ZNF695: variants seen among roughly 807,000 people sequenced by gnomAD.
ZNF695 encodes the protein zinc finger protein SBZF3.
ZNF695 carries 11 observed loss-of-function variants against 11.2 expected under a neutral mutation model. The observed-to-expected ratio is 0.98, with a 90% CI of 0.62 to 1.62. The LOEUF (loss-of-function observed/expected upper bound fraction) is 1.62, where lower values mean the gene tolerates loss of function less well. Among genes scored for constraint, ZNF695 ranks in the 40% most tolerant of loss-of-function variants. ZNF695 has a pLI of 0.00. For missense variants in ZNF695, 559 were observed against 590.5 expected (o/e 0.95, Z 0.55); for synonymous variants, 190 against 201.4 (o/e 0.94, Z 0.48).
intron 5 of ZNF695, among the ~76,000 whole-genome samples, chr1:246,967,070 C>G (rs1668308802): frequency 1.3e-5 from 2 of 152,162 alleles, no homozygotes; most frequent in South Asian, 2.1e-4. Flanking sequence ...TCCCCAGCAG[C>G]TGGGATTACA....
At chr1:246,976,560 C>A (rs186966626) in intron 4 of ZNF695, among the ~76,000 whole-genome samples, 1 of 151,582 alleles carries the variant, frequency 6.6e-6, no homozygotes, top group Non-Finnish European at 1.5e-5. Flanking sequence ...TTTGGGAGGC[C>A]AAGGCGGGCA....
At chr1:246,973,161 T>C (rs1320240130) in intron 4 of ZNF695, among the ~76,000 whole-genome samples, 3 of 152,074 alleles carry the variant, frequency 2.0e-5, no homozygotes, top group Non-Finnish European at 2.9e-5. Flanking sequence ...GAGATTCTCC[T>C]GCCTCAGCCT....
At chr1:246,991,270 A>G (rs1489496115) in intron 3 of ZNF695, among the ~76,000 whole-genome samples, 1 of 152,172 alleles carries the variant, frequency 6.6e-6, no homozygotes, top group African/African-American at 2.4e-5. Context: ...AAAAAAATGG[A>G]CAAATGGGAA....
intron 5 of ZNF695, among the ~76,000 whole-genome samples, chr1:246,952,343 G>A (rs61852576): frequency 0.1 from 15,713 of 152,216 alleles, 884 homozygotes; most frequent in Middle Eastern, 0.16. Flanking sequence ...TTTGTATTTT[G>A]CACAGGTGAT....
intron 1 of ZNF695, among the ~76,000 whole-genome samples, chr1:247,002,750 T>A (rs983101117): frequency 2.0e-5 from 3 of 151,168 alleles, no homozygotes; most frequent in African/African-American, 7.3e-5. Context: ...GTCACTGCAC[T>A]ACAGCCTGGG....
chr1:246,951,735 G>C (rs1667873991), intron 5 of ZNF695, among the ~76,000 whole-genome samples: 2 of 152,176 alleles, frequency 1.3e-5, no homozygotes, highest in Non-Finnish European at 2.9e-5. Flanking sequence ...GATCCTTCCT[G>C]TGGGAACTGC....
intron 5 of ZNF695, among the ~76,000 whole-genome samples, chr1:246,958,396 C>T (rs1195554259): frequency 6.6e-6 from 1 of 151,920 alleles, no homozygotes; most frequent in Non-Finnish European, 1.5e-5. Flanking sequence ...TGAAGTTTGG[C>T]AAAAAGTCAC....
At chr1:247,006,568 C>G (rs1669547576) in intron 1 of ZNF695, among the ~76,000 whole-genome samples, 1 of 152,172 alleles carries the variant, frequency 6.6e-6, no homozygotes, top group Admixed American at 6.5e-5. Context: ...CCAGATTGTG[C>G]CACTGCACTT....
chr1:247,000,773 A>C (rs1015296684), intron 1 of ZNF695, among the ~76,000 whole-genome samples: 1 of 152,232 alleles, frequency 6.6e-6, no homozygotes, highest in African/African-American at 2.4e-5. Flanking sequence ...TGAAGTAGGA[A>C]TCTTGTTAAA....
chr1:246,945,719 G>T, exon 6 of ZNF695: 1 of 1,487,356 alleles, frequency 6.7e-7, no homozygotes, highest in Non-Finnish European at 9.2e-7. Flanking sequence ...GACGCAGCTG[G>T]ACCCGGTGTA....
At chr1:246,978,994 G>T (rs188669577) in intron 4 of ZNF695, among the ~76,000 whole-genome samples, 50 of 152,320 alleles carry the variant, frequency 3.3e-4, no homozygotes, top group East Asian at 1.9e-4. Context: ...TGTGAGAAAT[G>T]AGGTCATGTG....
chr1:247,003,156 T>C lies in ZNF695; in HGVS notation c.4-3082A>G, dbSNP rs79278418. On this transcript the variant is annotated intron_variant, in intron 1 of 3. Coordinates refer to ENST00000339986, the MANE Select transcript of ZNF695 (RefSeq NM_020394.5). ...TATATCATTCTCCAATAAAGACACA[T>C]GCATGTGTATGTTCACTGTAGCCTT... 6.1e-3 allele frequency among the ~76,000 whole-genome samples: 925 copies of C among 152,310 alleles called. 14 individuals carry two copies. Among genetic ancestry groups the C allele is most frequent in the African/African-American group, 0.021 (860 of 41,560 alleles).
At chr1:246,956,795 C>T (rs1158873508) in intron 5 of ZNF695, among the ~76,000 whole-genome samples, 1 of 152,168 alleles carries the variant, frequency 6.6e-6, no homozygotes, top group Admixed American at 6.5e-5. Context: ...GATCCTCCCA[C>T]CTTGGCCTCC....
intron 5 of ZNF695, among the ~76,000 whole-genome samples, chr1:246,965,803 G>A (rs1572511160): frequency 6.6e-6 from 1 of 151,994 alleles, no homozygotes; most frequent in African/African-American, 2.4e-5. Flanking sequence ...CAGCAAGAAG[G>A]CCCTCACCAG....
rs1668906116 is a variant in ZNF695 at position 246,987,956 on chromosome 1, T to C, written c.559A>G (p.Lys187Glu). ...ATGCAAGAGACATTGCCACATTCTTTGCATTTGAATGGTTTTTCTCCAGTA... is the reference window on the plus strand; with the variant it reads ...ATGCAAGAGACATTGCCACATTCTTCGCATTTGAATGGTTTTTCTCCAGTA... The part of the protein sequence containing the change: ...SHTGEKPFKC[K>E]ECGNVSCMSL... Residue 187 changes from lysine (K) to glutamate (E), a missense_variant, in exon 4 of 4, where the codon AAA (lysine) becomes GAA (glutamate). Lys to Glu is a moderately conservative substitution (Grantham distance 56). Coordinates refer to ENST00000339986, the MANE Select transcript of ZNF695 (RefSeq NM_020394.5). 1 of 1,609,558 alleles carries C rather than the reference T, an allele frequency of 6.2e-7. No individual in the cohort carries two copies. The highest frequency in any genetic ancestry group is 8.5e-7 in the Non-Finnish European group (1 of 1,178,600).
intron 5 of ZNF695, among the ~76,000 whole-genome samples, chr1:246,953,028 A>G (rs1244526912): frequency 6.6e-6 from 1 of 152,070 alleles, no homozygotes; most frequent in East Asian, 1.9e-4. Context: ...GGGCATGTCC[A>G]CCCCACAATC....
chr1:246,995,945 G>T (rs946545108), intron 3 of ZNF695: 1 of 422,534 alleles, frequency 2.4e-6, no homozygotes, highest in African/African-American at 2.1e-5. Context: ...ATGGTCACAT[G>T]AAGAGTTCTT....
Position 246,985,530 on chromosome 1 carries a change from G to T in ZNF695, c.*1437C>A. 1 of 985,338 alleles carries T rather than the reference G, an allele frequency of 1.0e-6. No individual in the cohort carries two copies. The highest frequency in any genetic ancestry group is 1.2e-6 in the Non-Finnish European group (1 of 829,924). 61.0% of individuals were successfully genotyped at this position (985,338 alleles called of 1,614,324 possible). On this transcript the variant is annotated 3_prime_UTR_variant, in exon 4 of 4. Transcript: ENST00000339986. ...TTGTTACCATTTGTTACCTACAACC[G>T]TAACTAAGGTGAGATAGGTTAACGT... is the stretch of plus-strand genomic sequence containing the variant.
At chr1:246,960,809 T>C (rs1668144638) in intron 5 of ZNF695, among the ~76,000 whole-genome samples, 1 of 152,156 alleles carries the variant, frequency 6.6e-6, no homozygotes, top group African/African-American at 2.4e-5. Context: ...GGTGCTCACC[T>C]GCAGTCCCAG....
Sources: gnomAD v4.1 joint callset for allele counts (sites outside exome capture counted in the v4.1 genomes callset) on GRCh38, gnomAD v4.1.1 for gene constraint, MANE v1.5 for transcripts, NCBI Gene and HGNC (gene_info 2026-07-23, HGNC 2026-07-21) for gene names.